Variants in CACNA1E observed in about 807,000 individuals in gnomAD.
CACNA1E encodes the protein voltage-dependent R-type calcium channel subunit alpha-1E.
CACNA1E carries 40 observed loss-of-function variants against 259.2 expected under a neutral mutation model. That is an observed-to-expected ratio of 0.15 (90% CI 0.12 to 0.20). CACNA1E has a LOEUF of 0.20. CACNA1E is among the 10% of genes least tolerant of loss of function. The pLI, the probability that CACNA1E is intolerant of heterozygous loss-of-function variation, is 1.00. For missense variants in CACNA1E, 1,874 were observed against 3,040.1 expected (o/e 0.62, Z 9.02); for synonymous variants, 1,104 against 1,138.5 (o/e 0.97, Z 0.61).
chr1:181,675,391 C>T (rs1057481559), intron 7 of CACNA1E, among the ~76,000 whole-genome samples: 3 of 152,158 alleles, frequency 2.0e-5, no homozygotes, highest in South Asian at 2.1e-4. Flanking sequence ...GTGCTAAGAG[C>T]GTGTGAGAAA....
In CACNA1E at chr1:181,750,459, G is replaced by A. The variant is rs775542397; in HGVS notation, c.3720-17G>A. 1.5e-5 allele frequency: 24 copies of A among 1,612,600 alleles called. No individual in the cohort carries two copies. The Middle Eastern group carries it at 4.9e-4, about 33-fold the overall frequency. On this transcript the variant is annotated splice_polypyrimidine_tract_variant and intron_variant, in intron 25 of 47. Coordinates refer to ENST00000367573, the MANE Select transcript of CACNA1E (RefSeq NM_001205293.3). ...TTATTTTGATTTTCTACTGCTCTCT[G>A]ATTGGATCCTCCATAGGAACGCTTT...
intron 3 of CACNA1E, among the ~76,000 whole-genome samples, chr1:181,561,396 C>A (rs961410537): frequency 5.9e-5 from 9 of 152,156 alleles, no homozygotes; most frequent in Non-Finnish European, 1.5e-5. Context: ...CTACCATAAT[C>A]AAGATATAGA....
At chr1:181,583,379 C>T (rs1479833436) in intron 6 of CACNA1E, among the ~76,000 whole-genome samples, 1 of 152,132 alleles carries the variant, frequency 6.6e-6, no homozygotes, top group East Asian at 1.9e-4. Flanking sequence ...TGGATTTGTT[C>T]ATGAAGAGCA....
intron 2 of CACNA1E, among the ~76,000 whole-genome samples, chr1:181,438,618 TA>T (rs369529559): frequency 1.2e-4 from 18 of 152,162 alleles, no homozygotes; most frequent in African/African-American, 4.3e-4. Context: ...GAAATACAAA[TA>T]TAAACAATTA....
intron 46 of CACNA1E, among the ~76,000 whole-genome samples, chr1:181,795,400 C>T (rs565728776): frequency 6.6e-6 from 1 of 152,058 alleles, no homozygotes; most frequent in African/African-American, 2.4e-5. Flanking sequence ...ACCAGTTCCA[C>T]TTCAACCTAA....
At position 181,785,694 on chromosome 1, in the gene CACNA1E, C is replaced by T; in HGVS notation, c.5680-19C>T. 6.5e-7 allele frequency: 1 copy of T among 1,534,860 alleles called. No homozygotes were observed. Among genetic ancestry groups the T allele is most frequent in the Admixed American group, 1.7e-5 (1 of 59,418 alleles). ...TAGTCATTGGAATTCTTTCCTTCTT[C>T]TTCCCTCTTTTTACCCAGAAAAATG... On this transcript the variant is annotated intron_variant, in intron 42 of 47. Transcript: ENST00000367573.
chr1:181,759,704 C>G (rs1658407243), intron 32 of CACNA1E, among the ~76,000 whole-genome samples: 1 of 152,158 alleles, frequency 6.6e-6, no homozygotes, highest in African/African-American at 2.4e-5. Flanking sequence ...ACAGCTGTTT[C>G]ACACTTACTT....
chr1:181,773,638 T>G (rs905566666), intron 37 of CACNA1E, among the ~76,000 whole-genome samples: 2 of 152,202 alleles, frequency 1.3e-5, no homozygotes, highest in African/African-American at 4.8e-5. Context: ...TGAGGTTCAC[T>G]CTCAGCAAGG....
intron 1 of CACNA1E, among the ~76,000 whole-genome samples, chr1:181,496,366 T>TA (rs1664753271): frequency 3.9e-5 from 6 of 152,212 alleles, no homozygotes; most frequent in Non-Finnish European, 7.3e-5. Flanking sequence ...ACAAAAATGG[T>TA]AGCAAAAAAT....
chr1:181,574,178 C>T (rs529168012), intron 3 of CACNA1E, among the ~76,000 whole-genome samples: 53 of 152,266 alleles, frequency 3.5e-4, no homozygotes, highest in Middle Eastern at 3.4e-3. Context: ...ATAACTAATA[C>T]GTGCCGGGCT....
At chr1:181,601,620 A>T (rs1042879195) in intron 6 of CACNA1E, among the ~76,000 whole-genome samples, 1 of 152,122 alleles carries the variant, frequency 6.6e-6, no homozygotes, top group African/African-American at 2.4e-5. Context: ...TTCAACATTT[A>T]TCCAGAATCT....
chr1:181,461,540 CAAAA>C (rs10607931), intron 2 of CACNA1E, among the ~76,000 whole-genome samples: 29 of 82,016 alleles, frequency 3.5e-4, no homozygotes, highest in African/African-American at 9.8e-4. Flanking sequence ...GACTCCATCT[CAAAA>C]AAAAAAAAAA....
intron 2 of CACNA1E, among the ~76,000 whole-genome samples, chr1:181,443,369 T>C (rs1369383021): frequency 6.6e-6 from 1 of 152,248 alleles, no homozygotes; most frequent in African/African-American, 2.4e-5. Context: ...TTCAACCTCA[T>C]ACTTCATGGT....
At chr1:181,442,625 A>G (rs774666533) in intron 2 of CACNA1E, among the ~76,000 whole-genome samples, 1 of 152,180 alleles carries the variant, frequency 6.6e-6, no homozygotes, top group Non-Finnish European at 1.5e-5. Flanking sequence ...CCCAGATGGC[A>G]GGGTCTCAAA....
chr1:181,776,088 C>T lies in CACNA1E; in HGVS notation c.5140-13C>T. The T allele has an allele frequency of 6.2e-7, 1 of 1,610,602 alleles. No individual in the cohort carries two copies. Among genetic ancestry groups the T allele is most frequent in the Non-Finnish European group, 8.5e-7 (1 of 1,177,856 alleles). On this transcript the variant is annotated splice_polypyrimidine_tract_variant and intron_variant, in intron 37 of 47. Transcript: ENST00000367573. The surrounding 1 kb of genome is among the most constrained non-coding windows in gnomAD (Gnocchi z 4.4). Reference sequence around the variant, plus strand: ...GGTTTCCCCTAACCCCTCTTCTTCCCCTTGCCCTTCAGATGCTCAACCTGT... The same window carrying T: ...GGTTTCCCCTAACCCCTCTTCTTCCTCTTGCCCTTCAGATGCTCAACCTGT...
At chr1:181,653,585 G>A (rs1165186780) in intron 7 of CACNA1E, among the ~76,000 whole-genome samples, 1 of 152,186 alleles carries the variant, frequency 6.6e-6, no homozygotes, top group African/African-American at 2.4e-5. Flanking sequence ...GGCTCTAAAG[G>A]AGAATTGATT....
At chr1:181,544,737 G>C (rs967177654) in intron 3 of CACNA1E, among the ~76,000 whole-genome samples, 2 of 152,156 alleles carry the variant, frequency 1.3e-5, no homozygotes, top group African/African-American at 4.8e-5. Context: ...GGACATGGTG[G>C]GGAAGCAGCA....
rs547886588 is a variant in CACNA1E at position 181,637,989 on chromosome 1, T to C, written c.952-13349T>C. Among the ~76,000 whole-genome samples, 92 of 152,300 alleles carry C rather than the reference T, an allele frequency of 6.0e-4. 1 individual carries two copies. Among genetic ancestry groups the C allele is most frequent in the Non-Finnish European group, 9.1e-4 (62 of 68,010 alleles). ...GTAGGCAGATGCTGTGAGAGACAGA[T>C]GAGCTAGAGAGGGTAGGTTGGGTCA... is the stretch of plus-strand genomic sequence containing the variant. On this transcript the variant is annotated intron_variant, in intron 6 of 47. Transcript: ENST00000367573.
In CACNA1E at chr1:181,732,983, A is replaced by C; in HGVS notation, c.2897A>C (p.His966Pro). 2.5e-6 allele frequency: 4 copies of C among 1,613,440 alleles called. No individual in the cohort carries two copies. The highest frequency in any genetic ancestry group is 3.4e-6 in the Non-Finnish European group (4 of 1,179,664). Residue 966 changes from histidine to proline, a missense_variant, in exon 20 of 48, where the codon CAT (histidine) becomes CCT (proline). His to Pro is a moderately conservative substitution (Grantham distance 77). Around this residue, in one of 14 missense-constraint regions of CACNA1E, gnomAD observed 476 missense variants for 514.0 expected, o/e 0.93. Coordinates refer to ENST00000367573, the MANE Select transcript of CACNA1E (RefSeq NM_001205293.3). The surrounding 1 kb of genome is among the most constrained non-coding windows in gnomAD (Gnocchi z 5.5). ...AAGGACCATGAGCTCAGGGGCAACC[A>C]TGGTGCCAAGGAGCCAACGATCCAA... ...GEKDHELRGN[H>P]GAKEPTIQEE...
Sources: allele counts gnomAD v4.1 joint callset (sites outside exome capture counted in the v4.1 genomes callset), GRCh38; gene constraint gnomAD v4.1.1; regional missense constraint gnomAD v4.1.1; non-coding constraint Gnocchi (gnomAD v3.1); transcripts MANE v1.5; gene names NCBI Gene and HGNC (gene_info 2026-07-23, HGNC 2026-07-21).